Variants in OTOGL observed in about 807,000 individuals in gnomAD.
OTOGL encodes otogelin like.
A neutral mutation model predicts 318.5 loss-of-function variants in OTOGL; 285 were observed. The ratio of observed to expected loss-of-function variants is 0.89; its 90% CI spans 0.81 to 0.99. OTOGL has a LOEUF of 0.99. Ranked by LOEUF, OTOGL falls within the 50% of genes least tolerant of loss-of-function variation. The probability of loss-of-function intolerance (pLI) is 0.00; values close to 1 mark genes in which losing one functional copy is unlikely to be tolerated. For missense variants in OTOGL, 2,899 were observed against 2,845.6 expected (o/e 1.02, Z -0.43); for synonymous variants, 987 against 936.5 (o/e 1.05, Z -0.99).
chr12:80,333,470 T>C (rs1315205465), intron 38 of OTOGL, among the ~76,000 whole-genome samples: 1 of 151,998 alleles, frequency 6.6e-6, no homozygotes, highest in East Asian at 1.9e-4. Flanking sequence ...ACTAGTAGTT[T>C]TCTCTCCTAA....
intron 34 of OTOGL, among the ~76,000 whole-genome samples, chr12:80,322,574 A>AAT: frequency 6.6e-6 from 1 of 152,292 alleles, no homozygotes; most frequent in East Asian, 1.9e-4. Flanking sequence ...TTTGGAATTG[A>AAT]ATTCTGTGTC....
At chr12:80,225,993 C>T (rs1287858364) in intron 7 of OTOGL, among the ~76,000 whole-genome samples, 2 of 152,022 alleles carry the variant, frequency 1.3e-5, no homozygotes, top group Non-Finnish European at 2.9e-5. Context: ...TCATCCTCCA[C>T]CCTAGCAGAA....
intron 1 of OTOGL, among the ~76,000 whole-genome samples, chr12:80,144,324 C>T (rs902385401): frequency 4.8e-4 from 73 of 151,376 alleles, no homozygotes; most frequent in African/African-American, 1.1e-3. Flanking sequence ...TTTGTTCTTG[C>T]GATAGTTTAC....
chr12:80,262,534 G>A (rs1434477364), intron 19 of OTOGL, among the ~76,000 whole-genome samples: 2 of 152,142 alleles, frequency 1.3e-5, no homozygotes, highest in Non-Finnish European at 2.9e-5. Flanking sequence ...CATATATTAT[G>A]GCTTTATAAG....
At chr12:80,214,788 T>C (rs970157798) in intron 4 of OTOGL, among the ~76,000 whole-genome samples, 2 of 152,196 alleles carry the variant, frequency 1.3e-5, no homozygotes, top group African/African-American at 4.8e-5. Flanking sequence ...TTCTGTGCAA[T>C]TGGTTCATTG....
intron 11 of OTOGL, among the ~76,000 whole-genome samples, chr12:80,250,019 C>T (rs567255867): frequency 2.4e-4 from 37 of 152,164 alleles, no homozygotes; most frequent in Middle Eastern, 3.4e-3. Context: ...CGCCCTGCTT[C>T]GGCTCGCGCA....
In OTOGL at chr12:80,222,135, G is replaced by A. The variant is rs1430020248; in HGVS notation, c.379G>A (p.Gly127Arg). 20 of 1,598,406 alleles carry A rather than the reference G, an allele frequency of 1.3e-5. No individual in the cohort carries two copies. The highest frequency in any genetic ancestry group is 1.5e-5 in the Non-Finnish European group (18 of 1,178,958). The change falls in exon 7 of 59, where the codon GGA (glycine) becomes AGA (arginine). Residue 127 changes from glycine to arginine, a missense_variant. Transcript: ENST00000547103. ...CAGAGATGGGATTTGTAAAACCTGG[G>A]GACAGTATCATTTTGAAACATTCGA... is the stretch of plus-strand genomic sequence containing the variant. ...NGRDGICKTW[G>R]QYHFETFDGI...
chr12:80,105,753 T>C (rs1869416923), intron 1 of OTOGL, among the ~76,000 whole-genome samples: 1 of 152,194 alleles, frequency 6.6e-6, no homozygotes, highest in Non-Finnish European at 1.5e-5. Context: ...TGATTTTGGA[T>C]AAGAAGTGGT....
chr12:80,304,351 ATATT>A (rs1885969376), intron 28 of OTOGL, among the ~76,000 whole-genome samples: 1 of 152,120 alleles, frequency 6.6e-6, no homozygotes, highest in Non-Finnish European at 1.5e-5. Flanking sequence ...ATTATTTTGA[ATATT>A]TATTTGAACA....
intron 9 of OTOGL, among the ~76,000 whole-genome samples, chr12:80,238,001 A>C (rs993527344): frequency 6.6e-6 from 1 of 152,146 alleles, no homozygotes; most frequent in African/African-American, 2.4e-5. Context: ...TTGAGCTTTG[A>C]GATTCAGCCT....
chr12:80,167,570 T>C (rs184401990), intron 1 of OTOGL, among the ~76,000 whole-genome samples: 81 of 152,278 alleles, frequency 5.3e-4, no homozygotes, highest in African/African-American at 1.9e-3. Flanking sequence ...TAAAATATTT[T>C]ATGCTAATTA....
Position 80,377,199 on chromosome 12 carries a change from C to G in OTOGL, c.6858C>G (p.Ser2286Arg), listed in dbSNP as rs1891217890. 1.3e-6 allele frequency: 2 copies of G among 1,594,858 alleles called. No homozygotes were observed. The highest frequency in any genetic ancestry group is 1.1e-5 in the South Asian group (1 of 88,578). The part of the protein sequence containing the change: ...VIRKQDCMSQ[S>R]PINVASCDGK... Reference sequence around the variant, plus strand: ...GGAAACAGGACTGTATGAGCCAAAGCCCTGTAAGTGGAAAAATGTCATTTG... The same window carrying G: ...GGAAACAGGACTGTATGAGCCAAAGGCCTGTAAGTGGAAAAATGTCATTTG... The change falls in exon 58 of 59, where the codon AGC becomes AGG. Residue 2286 changes from serine to arginine, a missense_variant. Transcript: ENST00000547103.
intron 6 of OTOGL, among the ~76,000 whole-genome samples, chr12:80,220,451 G>C (rs904813114): frequency 6.6e-6 from 1 of 152,022 alleles, no homozygotes; most frequent in Admixed American, 6.6e-5. Flanking sequence ...GAGCCACTGT[G>C]CCTGGCCAGT....
chr12:80,308,573 G>A (rs1886398127), intron 29 of OTOGL, among the ~76,000 whole-genome samples: 2 of 152,276 alleles, frequency 1.3e-5, no homozygotes, highest in Non-Finnish European at 2.9e-5. Context: ...GTGGCGGCCG[G>A]GCAGAGGCTG....
At chr12:80,222,337 A>G (rs1274882293) in intron 7 of OTOGL, 92 bp downstream of exon 7, 2 of 1,218,446 alleles carry the variant, frequency 1.6e-6, no homozygotes, top group South Asian at 1.7e-5. Flanking sequence ...CAAAATATAT[A>G]CTAATAATAG....
At chr12:80,166,911 T>C (rs1873867910) in intron 1 of OTOGL, among the ~76,000 whole-genome samples, 1 of 152,268 alleles carries the variant, frequency 6.6e-6, no homozygotes, top group East Asian at 1.9e-4. Flanking sequence ...TCTGGGAAGG[T>C]AGGAGAGACT....
rs946803913 is a variant in OTOGL at position 80,318,645 on chromosome 12, G to A, written c.3734G>A (p.Ser1245Asn). 2.7e-6 allele frequency: 4 copies of A among 1,468,918 alleles called. No homozygotes were observed. Among genetic ancestry groups the A allele is most frequent in the South Asian group, 1.4e-5 (1 of 69,300 alleles). The allele number at this position is 1,468,918 out of a possible 1,614,324, so 91.0% of individuals were successfully genotyped here. A position where few individuals can be genotyped will look rare whatever the true frequency, so the allele number is the denominator to read the frequency against. Residue 1245 changes from serine to asparagine, a missense_variant, in exon 33 of 59, where the codon AGC (serine) becomes AAC (asparagine). Transcript: ENST00000547103. ...AGAAGCGTTTTCTGTTTGCCGAGAA[G>A]CAGTGTTCATACCAGTTTATTTTTT... is the stretch of plus-strand genomic sequence containing the variant. The part of the protein sequence containing the change: ...TSRSVFCLPR[S>N]SVHTSLFFYF...
intron 27 of OTOGL, among the ~76,000 whole-genome samples, chr12:80,300,956 A>T (rs963848640): frequency 6.6e-6 from 1 of 152,210 alleles, no homozygotes; most frequent in Non-Finnish European, 1.5e-5. Context: ...TATATACAAT[A>T]TATACTGTTC....
chr12:80,244,066 G>A (rs1880630889), intron 11 of OTOGL, among the ~76,000 whole-genome samples: 1 of 151,214 alleles, frequency 6.6e-6, no homozygotes, highest in Admixed American at 6.6e-5. Flanking sequence ...ACAACATTGA[G>A]CATGGAATTC....
Sources: gnomAD v4.1 joint callset for allele counts (sites outside exome capture counted in the v4.1 genomes callset) on GRCh38, gnomAD v4.1.1 for gene constraint, MANE v1.5 for transcripts, NCBI Gene and HGNC (gene_info 2026-07-23, HGNC 2026-07-21) for gene names.